SMG6: variants seen among roughly 807,000 people sequenced by gnomAD.
SMG6 encodes the protein SMG6 nonsense mediated mRNA decay factor.
A neutral mutation model predicts 142.2 loss-of-function variants in SMG6; 66 were observed. The ratio of observed to expected loss-of-function variants is 0.46; its 90% CI spans 0.38 to 0.57. The LOEUF (loss-of-function observed/expected upper bound fraction) is 0.57, where lower values mean the gene tolerates loss of function less well. Among genes scored for constraint, SMG6 ranks in the 20% least tolerant of loss-of-function variants. SMG6 has a pLI of 0.00. For missense variants in SMG6, 1,793 were observed against 1,832.0 expected, an observed-to-expected ratio of 0.98 and a Z score of 0.39; for synonymous variants, 779 against 702.4, an observed-to-expected ratio of 1.11 and a Z score of -1.72.
At position 2,103,014 on chromosome 17, in the gene SMG6, C is replaced by T. The variant is rs114761609; in HGVS notation, c.3358-17113G>A. ...AGTACTCCATTGTGTGTATGTCCCA[C>T]CTTTTCTTTATCCATTCATCTGTTG... On this transcript the variant is annotated intron_variant, in intron 13 of 18. Transcript: ENST00000263073. Among the ~76,000 whole-genome samples the T allele has an allele frequency of 9.8e-4, 149 of 152,344 alleles. 1 individual carries two copies. Among genetic ancestry groups the T allele is most frequent in the African/African-American group, 3.4e-3 (142 of 41,576 alleles).
chr17:2,242,911 C>A (rs2073845351), intron 9 of SMG6, among the ~76,000 whole-genome samples: 1 of 152,074 alleles, frequency 6.6e-6, no homozygotes, highest in Non-Finnish European at 1.5e-5. Context: ...CTACATATTT[C>A]TCTGCAGTGC....
chr17:2,244,759 T>A, intron 8 of SMG6, 40 bp from the exon 9 acceptor site: 1 of 1,550,114 alleles, frequency 6.5e-7, no homozygotes, highest in South Asian at 1.1e-5. Flanking sequence ...AATTAAACTT[T>A]CCCCAGTTTC....
At chr17:2,177,614 A>G (rs1329501010) in intron 12 of SMG6, among the ~76,000 whole-genome samples, 1 of 152,230 alleles carries the variant, frequency 6.6e-6, no homozygotes, top group African/African-American at 2.4e-5. Context: ...TTTAAACACT[A>G]ACATTCAAAC....
intron 10 of SMG6, among the ~76,000 whole-genome samples, chr17:2,216,604 G>A (rs914462248): frequency 6.6e-6 from 1 of 152,040 alleles, no homozygotes; most frequent in African/African-American, 2.4e-5. Flanking sequence ...TACATTTTCA[G>A]ACCTTAGAAA....
At chr17:2,075,156 C>T (rs1037258558) in intron 15 of SMG6, among the ~76,000 whole-genome samples, 4 of 152,212 alleles carry the variant, frequency 2.6e-5, no homozygotes, top group Admixed American at 6.5e-5. Flanking sequence ...GTCTGCCTTC[C>T]GCCAGCTTCC....
chr17:2,081,835 T>C lies in SMG6; in HGVS notation c.3656A>G (p.Gln1219Arg), dbSNP rs1482994796. 1.2e-6 allele frequency: 2 copies of C among 1,613,768 alleles called. No individual in the cohort carries two copies. The highest frequency in any genetic ancestry group is 2.2e-5 in the East Asian group (1 of 44,894). Residue 1219 changes from glutamine to arginine, a missense_variant, in exon 15 of 19, where the codon CAG (glutamine) becomes CGG (arginine). Physicochemically the swap from Gln to Arg is conservative, Grantham distance 43. Transcript: ENST00000263073. ...KLALARKIAE[Q>R]QRRQEKIQAV... ...CTGGATCTTTTCCTGGCGACGCTGC[T>C]GCTCAGCTATCTTCCTGGCCAGAGC...
rs1363992009 is a variant in SMG6 at position 2,300,523 on chromosome 17, T to C, written c.230A>G (p.Glu77Gly). Residue 77 changes from glutamate (E) to glycine (G), a missense_variant, in exon 2 of 19, where the codon GAA becomes GGA. Around this residue, in one of 3 missense-constraint regions of SMG6, gnomAD observed 1,597 missense variants for 1,584.6 expected, o/e 1.01. Transcript: ENST00000263073. ...AGAGCAATCTCGGTCATTAACAATT[T>C]CATCTTTGAATTCCTCACTCCCAGG... ...EPPGSEEFKDEIVNDRDCSAV... is the reference protein window; with the variant it reads ...EPPGSEEFKDGIVNDRDCSAV... 1 of 1,614,012 alleles carries C rather than the reference T, an allele frequency of 6.2e-7. No individual in the cohort carries two copies. Among genetic ancestry groups the C allele is most frequent in the Non-Finnish European group, 8.5e-7 (1 of 1,180,002 alleles).
chr17:2,219,762 A>G, intron 10 of SMG6, among the ~76,000 whole-genome samples: 1 of 149,598 alleles, frequency 6.7e-6, no homozygotes, highest in South Asian at 2.1e-4. Context: ...TGACCACACC[A>G]CTGCACTCCA....
chr17:2,249,622 C>A (rs1057171510), intron 8 of SMG6, among the ~76,000 whole-genome samples: 1 of 152,150 alleles, frequency 6.6e-6, no homozygotes, highest in Non-Finnish European at 1.5e-5. Context: ...CCTTGCCTGG[C>A]AGACTTTTTT....
At chr17:2,127,005 G>A (rs2069912254) in intron 13 of SMG6, among the ~76,000 whole-genome samples, 1 of 151,988 alleles carries the variant, frequency 6.6e-6, no homozygotes, top group Admixed American at 6.6e-5. Flanking sequence ...TGGGTGTGGT[G>A]GTACGTGCTT....
intron 13 of SMG6, chr17:2,088,731 G>A: frequency 2.0e-6 from 2 of 985,406 alleles, no homozygotes; most frequent in African/African-American, 1.7e-5. Context: ...GAGCTCTTTA[G>A]TAGATGGAGA....
At chr17:2,250,392 C>CTT (rs370155077) in intron 8 of SMG6, among the ~76,000 whole-genome samples, 72 of 146,646 alleles carry the variant, frequency 4.9e-4, no homozygotes, top group East Asian at 8.0e-4. Context: ...TTTATATACA[C>CTT]TTTTTTTTTT....
intron 13 of SMG6, among the ~76,000 whole-genome samples, chr17:2,106,257 A>T (rs1245780348): frequency 6.6e-6 from 1 of 152,110 alleles, no homozygotes; most frequent in Non-Finnish European, 1.5e-5. Context: ...GTTTCTTCAA[A>T]CTGCTGTCTC....
At position 2,158,008 on chromosome 17, in the gene SMG6, A is replaced by G. The variant is rs1343429657; in HGVS notation, c.3357+14650T>C. Among the ~76,000 whole-genome samples, 5 of 152,362 alleles carry G rather than the reference A, an allele frequency of 3.3e-5. No individual in the cohort carries two copies. In the South Asian group the frequency reaches 1.0e-3, roughly 32 times the overall value. Reference sequence around the variant, plus strand: ...CACATAAATGTTTGAGTAATTCCTTAAAAGAAAAGAAACCACAAGTAAGAA... The same window carrying G: ...CACATAAATGTTTGAGTAATTCCTTGAAAGAAAAGAAACCACAAGTAAGAA... On this transcript the variant is annotated intron_variant, in intron 13 of 18. Transcript: ENST00000263073.
At chr17:2,253,678 A>C (rs1187642121) in intron 8 of SMG6, among the ~76,000 whole-genome samples, 1 of 152,088 alleles carries the variant, frequency 6.6e-6, no homozygotes, top group Non-Finnish European at 1.5e-5. Context: ...AGAAGCACCA[A>C]TTTTCAGTAT....
chr17:2,207,554 A>G (rs2072726418), intron 10 of SMG6, among the ~76,000 whole-genome samples: 1 of 152,214 alleles, frequency 6.6e-6, no homozygotes, highest in African/African-American at 2.4e-5. Context: ...TAAATGAGAA[A>G]GTGACATACA....
At chr17:2,185,763 C>T (rs1360147152) in intron 12 of SMG6, among the ~76,000 whole-genome samples, 2 of 149,062 alleles carry the variant, frequency 1.3e-5, no homozygotes, top group African/African-American at 2.5e-5. Flanking sequence ...AAGACGGGGA[C>T]GAGGGCAGGG....
intron 15 of SMG6, among the ~76,000 whole-genome samples, chr17:2,078,250 G>C (rs1254985079): frequency 6.6e-6 from 1 of 152,154 alleles, no homozygotes; most frequent in African/African-American, 2.4e-5. Context: ...AGTGGCAATG[G>C]AAACAGAGAG....
intron 13 of SMG6, among the ~76,000 whole-genome samples, chr17:2,137,625 T>A (rs2070346297): frequency 6.6e-6 from 1 of 151,742 alleles, no homozygotes; most frequent in Non-Finnish European, 1.5e-5. Context: ...CTGACCCTGA[T>A]TAAGTGAGAA....
Sources: allele counts gnomAD v4.1 joint callset (sites outside exome capture counted in the v4.1 genomes callset), GRCh38; gene constraint gnomAD v4.1.1; regional missense constraint gnomAD v4.1.1; transcripts MANE v1.5; gene names NCBI Gene and HGNC (gene_info 2026-07-23, HGNC 2026-07-21).